Variants in PLCB4 observed in about 807,000 individuals in gnomAD.
PLCB4 encodes 1-phosphatidylinositol 4,5-bisphosphate phosphodiesterase beta-4.
In PLCB4, 77 loss-of-function variants were observed where a neutral mutation model predicts 178.8. The observed-to-expected ratio is 0.43, with a 90% CI of 0.36 to 0.52. The LOEUF is 0.52. Ranked by LOEUF, PLCB4 falls within the 20% of genes least tolerant of loss-of-function variation. The pLI, the probability that PLCB4 is intolerant of heterozygous loss-of-function variation, is 0.00. For synonymous variants in PLCB4, 496 were observed against 490.8 expected (o/e 1.01, Z -0.14); for missense variants, 1,024 against 1,453.4 (o/e 0.70, Z 4.80).
rs759742130 is a variant in PLCB4, at chr20:9,372,449, C to T, written c.686+46C>T. Reference sequence around the variant, plus strand: ...AGTGCCATATAAATATTATCACTGTCCTTTTCGATTTTTTAAAACGTTTTT... The same window carrying T: ...AGTGCCATATAAATATTATCACTGTTCTTTTCGATTTTTTAAAACGTTTTT... On this transcript the variant is annotated intron_variant, in intron 11 of 39. Transcript: ENST00000378473. 97 of 950,580 alleles carry T rather than the reference C, an allele frequency of 1.0e-4. 2 individuals carry two copies. The highest frequency in any genetic ancestry group is 5.1e-4 in the South Asian group (35 of 69,200). The allele number at this position is 950,580 out of a possible 1,614,324, so 58.9% of individuals were successfully genotyped here. A position where few individuals can be genotyped will look rare whatever the true frequency, so the allele number is the denominator to read the frequency against.
chr20:9,426,835 A>T (rs909009501), intron 28 of PLCB4, among the ~76,000 whole-genome samples: 1 of 152,184 alleles, frequency 6.6e-6, no homozygotes, highest in African/African-American at 2.4e-5. Context: ...GTTATGGATA[A>T]ACACTGAAGT....
intron 2 of PLCB4, among the ~76,000 whole-genome samples, chr20:9,129,628 A>G (rs1207547199): frequency 6.6e-6 from 1 of 152,194 alleles, no homozygotes; most frequent in African/African-American, 2.4e-5. Flanking sequence ...TTTGGAGAGC[A>G]ACAGTGAGAT....
intron 7 of PLCB4, among the ~76,000 whole-genome samples, chr20:9,362,200 G>A (rs1036322023): frequency 6.6e-6 from 1 of 152,166 alleles, no homozygotes; most frequent in African/African-American, 2.4e-5. Context: ...GGGCAGAGTT[G>A]GCCTTAATTC....
intron 2 of PLCB4, among the ~76,000 whole-genome samples, chr20:9,162,534 G>A (rs898987928): frequency 6.6e-6 from 1 of 152,068 alleles, no homozygotes; most frequent in Non-Finnish European, 1.5e-5. Context: ...AAAAGATGCT[G>A]TATATTTATA....
intron 3 of PLCB4, among the ~76,000 whole-genome samples, chr20:9,228,482 C>T (rs1419468979): frequency 6.6e-6 from 1 of 152,110 alleles, no homozygotes; most frequent in Non-Finnish European, 1.5e-5. Context: ...TTAAGCACTT[C>T]CAGATGGTCT....
intron 7 of PLCB4, among the ~76,000 whole-genome samples, chr20:9,359,676 C>T (rs987936150): frequency 6.6e-6 from 1 of 152,152 alleles, no homozygotes; most frequent in Admixed American, 6.5e-5. Context: ...GAGCGTGTCG[C>T]CATCCAGCCA....
intron 4 of PLCB4, among the ~76,000 whole-genome samples, chr20:9,316,558 C>A (rs920889494): frequency 6.6e-6 from 1 of 152,040 alleles, no homozygotes; most frequent in South Asian, 2.1e-4. Flanking sequence ...TCTCCATGGG[C>A]GATTTTCTTA....
At chr20:9,410,225 G>A (rs1304110692) in intron 24 of PLCB4, among the ~76,000 whole-genome samples, 2 of 152,078 alleles carry the variant, frequency 1.3e-5, no homozygotes, top group African/African-American at 4.8e-5. Context: ...CATTCTGCAT[G>A]GGGTCCCCAC....
chr20:9,118,872 A>T (rs1194536716), intron 2 of PLCB4, among the ~76,000 whole-genome samples: 1 of 152,220 alleles, frequency 6.6e-6, no homozygotes, highest in Non-Finnish European at 1.5e-5. Flanking sequence ...CTATTGTGGT[A>T]TCTGAATGGG....
intron 9 of PLCB4, among the ~76,000 whole-genome samples, chr20:9,367,816 C>T (rs1364053605): frequency 6.6e-6 from 1 of 152,126 alleles, no homozygotes; most frequent in African/African-American, 2.4e-5. Flanking sequence ...TGTTCACATA[C>T]AAAATTATTA....
chr20:9,161,913 T>C (rs913492614), intron 2 of PLCB4, among the ~76,000 whole-genome samples: 2 of 152,200 alleles, frequency 1.3e-5, no homozygotes, highest in African/African-American at 4.8e-5. Flanking sequence ...ATAACACTAA[T>C]ACTATTGGCA....
At chr20:9,154,901 T>TTCCC (rs1322768113) in intron 2 of PLCB4, among the ~76,000 whole-genome samples, 1 of 88,534 alleles carries the variant, frequency 1.1e-5, no homozygotes, top group Non-Finnish European at 2.3e-5. Flanking sequence ...CCTTCCCTCC[T>TTCCC]TCCCTCCTTC....
At position 9,075,166 on chromosome 20, in the gene PLCB4, G is replaced by A. The variant is rs190504903; in HGVS notation, c.-135+5960G>A. Among the ~76,000 whole-genome samples, 561 of 152,204 alleles carry A rather than the reference G, an allele frequency of 3.7e-3. 2 individuals are homozygous for A. Among genetic ancestry groups the A allele is most frequent in the African/African-American group, 0.013 (522 of 41,516 alleles). On this transcript the variant is annotated intron_variant, in intron 1 of 39. Transcript: ENST00000378473. ...AAATTAATCATCCCAGGATGTTAAAGTTAGAATTGAGACTGAAACTCAGGT... is the reference window on the plus strand; with the variant it reads ...AAATTAATCATCCCAGGATGTTAAAATTAGAATTGAGACTGAAACTCAGGT...
intron 3 of PLCB4, among the ~76,000 whole-genome samples, chr20:9,281,209 G>C (rs1048754168): frequency 6.6e-6 from 1 of 151,880 alleles, no homozygotes; most frequent in Non-Finnish European, 1.5e-5. Flanking sequence ...TGATTTAATT[G>C]CTTGAGGGCT....
intron 32 of PLCB4, among the ~76,000 whole-genome samples, chr20:9,444,665 G>A (rs2042304107): frequency 6.6e-6 from 1 of 152,168 alleles, no homozygotes; most frequent in Non-Finnish European, 1.5e-5. Flanking sequence ...AGGAGGCTGA[G>A]GCAGGAGAAT....
chr20:9,335,437 A>G (rs1256849740), intron 4 of PLCB4, among the ~76,000 whole-genome samples: 2 of 152,178 alleles, frequency 1.3e-5, no homozygotes, highest in Non-Finnish European at 2.9e-5. Context: ...CTAAAGTATC[A>G]ACTTCTGGGT....
At chr20:9,470,669 A>C (rs1163590516) in intron 36 of PLCB4, among the ~76,000 whole-genome samples, 1 of 152,188 alleles carries the variant, frequency 6.6e-6, no homozygotes, top group Admixed American at 6.5e-5. Flanking sequence ...TTATTTTGAA[A>C]ACTGTACTTA....
At chr20:9,163,875 A>C (rs1037320995) in intron 2 of PLCB4, among the ~76,000 whole-genome samples, 1 of 152,200 alleles carries the variant, frequency 6.6e-6, no homozygotes, top group Non-Finnish European at 1.5e-5. Context: ...ACCAGGAAGC[A>C]TAATAAATTG....
At chr20:9,128,919 T>C (rs534944584) in intron 2 of PLCB4, among the ~76,000 whole-genome samples, 2 of 152,320 alleles carry the variant, frequency 1.3e-5, no homozygotes, top group South Asian at 4.1e-4. Context: ...TGGAGTCATA[T>C]AGTATTTATC....
Sources: allele counts gnomAD v4.1 joint callset (sites outside exome capture counted in the v4.1 genomes callset), GRCh38; gene constraint gnomAD v4.1.1; transcripts MANE v1.5; gene names NCBI Gene and HGNC (gene_info 2026-07-23, HGNC 2026-07-21).